The following ANKS1B variants were observed in gnomAD, a reference collection of about 807,000 sequenced individuals.
ANKS1B encodes ankyrin repeat and sterile alpha motif domain-containing protein 1B.
A neutral mutation model predicts 148.3 loss-of-function variants in ANKS1B; 36 were observed. The ratio of observed to expected loss-of-function variants is 0.24; its 90% CI spans 0.19 to 0.32. The LOEUF (loss-of-function observed/expected upper bound fraction) is 0.32, where lower values mean the gene tolerates loss of function less well. ANKS1B is among the 10% of genes least tolerant of loss of function. The pLI is 1.00. For synonymous variants in ANKS1B, 542 were observed against 560.8 expected (o/e 0.97, Z 0.47); for missense variants, 1,157 against 1,542.6 (o/e 0.75, Z 4.19).
chr12:99,079,127 G>C (rs993292456), intron 16 of ANKS1B, among the ~76,000 whole-genome samples: 1 of 152,162 alleles, frequency 6.6e-6, no homozygotes, highest in Non-Finnish European at 1.5e-5. Context: ...CTTGAGTCTT[G>C]AGACAGCTGT....
chr12:99,504,649 G>A lies in ANKS1B; in HGVS notation c.1273-8C>T. ...CTTCTTTGGATAGGACTCCTGAAAA[G>A]AAGAAAAAATAAAAACAGCTTTGTG... On this transcript the variant is annotated splice_region_variant and splice_polypyrimidine_tract_variant and intron_variant, in intron 9 of 26. Coordinates refer to ENST00000683438, the MANE Select transcript of ANKS1B (RefSeq NM_001352186.2). The A allele has an allele frequency of 6.6e-7, 1 of 1,518,882 alleles. No individual in the cohort carries two copies. Among genetic ancestry groups the A allele is most frequent in the Non-Finnish European group, 8.8e-7 (1 of 1,133,450 alleles). The allele number at this position is 1,518,882 out of a possible 1,614,324, so 94.1% of individuals were successfully genotyped here.
At chr12:99,384,824 A>ATT (rs571880723) in intron 12 of ANKS1B, among the ~76,000 whole-genome samples, 7 of 151,598 alleles carry the variant, frequency 4.6e-5, no homozygotes, top group Admixed American at 2.0e-4. Context: ...TTAGTTTTAA[A>ATT]TTTTTTTTTA....
intron 12 of ANKS1B, among the ~76,000 whole-genome samples, chr12:99,332,656 T>C (rs1211228576): frequency 6.8e-6 from 1 of 147,806 alleles, no homozygotes; most frequent in African/African-American, 2.5e-5. Context: ...TTTTTAGAAA[T>C]GGAAAAGTTT....
intron 10 of ANKS1B, among the ~76,000 whole-genome samples, chr12:99,458,609 A>G (rs1449659948): frequency 1.3e-5 from 2 of 152,048 alleles, no homozygotes; most frequent in African/African-American, 4.8e-5. Flanking sequence ...AATACAAAAG[A>G]CCATTTAAGG....
At chr12:98,894,860 C>A in intron 17 of ANKS1B, 1 of 980,000 alleles carries the variant, frequency 1.0e-6, no homozygotes, top group Non-Finnish European at 1.2e-6. Context: ...CCGGGCTCTC[C>A]CCGCGAGCTC....
At chr12:99,330,897 C>A (rs2087399603) in intron 12 of ANKS1B, among the ~76,000 whole-genome samples, 2 of 151,746 alleles carry the variant, frequency 1.3e-5, no homozygotes, top group Non-Finnish European at 2.9e-5. Flanking sequence ...GCATGTAAAC[C>A]ATTTAATACT....
At chr12:98,949,831 C>T (rs1266005036) in intron 17 of ANKS1B, 1 of 152,206 alleles carries the variant, frequency 6.6e-6, no homozygotes, top group East Asian at 1.9e-4. Flanking sequence ...ATTTTCTGAT[C>T]TGCGGAGCTT....
At chr12:99,545,053 C>T (rs1596714932) in intron 9 of ANKS1B, among the ~76,000 whole-genome samples, 3 of 152,030 alleles carry the variant, frequency 2.0e-5, no homozygotes, top group African/African-American at 4.8e-5. Context: ...GGAAGGTTAC[C>T]TTAATTGATA....
At chr12:99,680,801 T>C (rs116957000) in intron 8 of ANKS1B, among the ~76,000 whole-genome samples, 2 of 152,200 alleles carry the variant, frequency 1.3e-5, no homozygotes, top group Non-Finnish European at 2.9e-5. Flanking sequence ...CTCAGTGCTA[T>C]TGGAGGGGCG....
intron 12 of ANKS1B, among the ~76,000 whole-genome samples, chr12:99,256,383 G>C (rs1458655440): frequency 6.6e-6 from 1 of 152,024 alleles, no homozygotes. Flanking sequence ...ATTGTTGTCA[G>C]TGTTTTAATT....
intron 8 of ANKS1B, among the ~76,000 whole-genome samples, chr12:99,718,615 C>G (rs1431460386): frequency 6.6e-6 from 1 of 152,224 alleles, no homozygotes; most frequent in Admixed American, 6.5e-5. Flanking sequence ...ACCAGACAAG[C>G]CTTACAAGTT....
intron 9 of ANKS1B, among the ~76,000 whole-genome samples, chr12:99,614,880 A>G (rs1028592869): frequency 5.2e-5 from 6 of 115,502 alleles, no homozygotes; most frequent in African/African-American, 2.0e-4. Flanking sequence ...CTCTTAATTA[A>G]TTCTTCCTCA....
At chr12:99,724,119 G>T (rs1218189840) in intron 8 of ANKS1B, among the ~76,000 whole-genome samples, 1 of 151,946 alleles carries the variant, frequency 6.6e-6, no homozygotes, top group Non-Finnish European at 1.5e-5. Context: ...TTGCAATGCC[G>T]CTCCAGCAAG....
intron 8 of ANKS1B, among the ~76,000 whole-genome samples, chr12:99,702,548 C>CT (rs1405266441): frequency 1.3e-5 from 2 of 151,430 alleles, no homozygotes; most frequent in Admixed American, 6.6e-5. Context: ...GTTTGATTGC[C>CT]TTTTTTTTAT....
intron 8 of ANKS1B, among the ~76,000 whole-genome samples, chr12:99,769,219 A>C (rs532021663): frequency 1.3e-5 from 2 of 152,218 alleles, no homozygotes; most frequent in African/African-American, 2.4e-5. Context: ...TCAGACCTGA[A>C]TTACCTCAGA....
intron 8 of ANKS1B, among the ~76,000 whole-genome samples, chr12:99,765,638 A>G (rs2062573447): frequency 6.6e-6 from 1 of 152,218 alleles, no homozygotes; most frequent in Non-Finnish European, 1.5e-5. Flanking sequence ...GCTGATTAGA[A>G]TACATATGGC....
chr12:98,978,184 G>A (rs2099900992), intron 17 of ANKS1B, among the ~76,000 whole-genome samples: 1 of 151,836 alleles, frequency 6.6e-6, no homozygotes, highest in African/African-American at 2.4e-5. Flanking sequence ...TTGAATTTAT[G>A]TCTATTACCT....
intron 17 of ANKS1B, among the ~76,000 whole-genome samples, chr12:98,925,999 G>A (rs1430228152): frequency 6.6e-6 from 1 of 152,044 alleles, no homozygotes; most frequent in East Asian, 1.9e-4. Context: ...TGTGTTTAGG[G>A]GGGTTTGAAA....
Position 99,713,815 on chromosome 12 carries a change from T to TC in ANKS1B, c.1129-58606dup, listed in dbSNP as rs546545718. Among the ~76,000 whole-genome samples, 18 of 152,280 alleles carry TC rather than the reference T, an allele frequency of 1.2e-4. No homozygotes were observed. In the South Asian group the frequency reaches 3.5e-3, roughly 30 times the overall value. On this transcript the variant is annotated intron_variant, in intron 8 of 26. Transcript: ENST00000683438. ...ATCTGTTCACAGAAATCTAGGCTTTTCTATCATGCTCCTCAACATTCTTCC... is the reference window on the plus strand; with the variant it reads ...ATCTGTTCACAGAAATCTAGGCTTTTCCTATCATGCTCCTCAACATTCTTCC...
Sources: allele counts gnomAD v4.1 joint callset (sites outside exome capture counted in the v4.1 genomes callset), GRCh38; gene constraint gnomAD v4.1.1; transcripts MANE v1.5; gene names NCBI Gene and HGNC (gene_info 2026-07-23, HGNC 2026-07-21).